Variants in UCK2 observed in about 807,000 individuals in gnomAD.
UCK2 encodes uridine-cytidine kinase 2.
In UCK2, 6 loss-of-function variants were observed where a neutral mutation model predicts 30.8. The ratio of observed to expected loss-of-function variants is 0.19; its 90% CI spans 0.11 to 0.38. UCK2 has a LOEUF of 0.38. Ranked by LOEUF, UCK2 falls within the 10% of genes least tolerant of loss-of-function variation. UCK2 has a pLI of 1.00. For missense variants in UCK2, 210 were observed against 339.8 expected (o/e 0.62, Z 3.00); for synonymous variants, 125 against 133.6 (o/e 0.94, Z 0.45).
At position 165,877,413 on chromosome 1, in the gene UCK2, T is replaced by G. The variant is rs1655366213; in HGVS notation, c.100-12791T>G. Among the ~76,000 whole-genome samples, 4 of 152,340 alleles carry G rather than the reference T, an allele frequency of 2.6e-5. No homozygotes were observed. In the South Asian group the frequency reaches 8.3e-4, roughly 32 times the overall value. On this transcript the variant is annotated intron_variant, in intron 1 of 6. Transcript: ENST00000367879. ...AACACTTCCATCGCTACTGCTGTTT[T>G]GCTGTTTATTACCTGCCCCGGATTT...
At chr1:165,842,221 T>A (rs1368753503) in intron 1 of UCK2, among the ~76,000 whole-genome samples, 3 of 152,204 alleles carry the variant, frequency 2.0e-5, no homozygotes, top group Non-Finnish European at 4.4e-5. Context: ...TATGGCTGTG[T>A]CATGCCTCAG....
At chr1:165,890,135 T>G in intron 1 of UCK2, 69 bp from the exon 2 acceptor site, 1 of 1,571,860 alleles carries the variant, frequency 6.4e-7, no homozygotes, top group South Asian at 1.1e-5. Context: ...GCTTGGTTAC[T>G]CTCGGGACTT....
At chr1:165,880,562 TGGGGGTGTGTG>T (rs1205703378) in intron 1 of UCK2, among the ~76,000 whole-genome samples, 1 of 115,812 alleles carries the variant, frequency 8.6e-6, no homozygotes, top group Non-Finnish European at 1.8e-5. Context: ...CAGTTTTTTT[TGGGGGTGTGTG>T]TGTGTGTGTG....
chr1:165,896,199 G>A lies in UCK2; in HGVS notation c.366G>A (p.Glu122=), dbSNP rs148472193. Residue 122 remains glutamate, a synonymous_variant, in exon 4 of 7, where the codon GAG becomes GAA. Coordinates refer to ENST00000367879, the MANE Select transcript of UCK2 (RefSeq NM_012474.5). ...YDFVSHSRKE[E]TVTVYPADVV... ...GCTCTGTGCTTTGCAGGAAGGAGGA[G>A]ACAGTTACTGTCTATCCCGCAGACG... 1.1e-5 allele frequency: 17 copies of A among 1,614,026 alleles called. No individual in the cohort carries two copies. The African/African-American group carries it at 2.3e-4, about 22-fold the overall frequency.
chr1:165,879,571 T>TATTATTATTATTATTA (rs1553199402), intron 1 of UCK2, among the ~76,000 whole-genome samples: 3 of 150,864 alleles, frequency 2.0e-5, no homozygotes, highest in Non-Finnish European at 3.0e-5. Flanking sequence ...TTATTATTAT[T>TATTATTATTATTATTA]TTGTCAGTAG....
Position 165,900,375 on chromosome 1 carries a change from A to C in UCK2, c.500-2807A>C, listed in dbSNP as rs563278808. ...GTAACTGTATGAGGAAGGTACCATTATTGTCCCTGTTTTATAGTTAAGGAA... is the reference window on the plus strand; with the variant it reads ...GTAACTGTATGAGGAAGGTACCATTCTTGTCCCTGTTTTATAGTTAAGGAA... On this transcript the variant is annotated intron_variant, in intron 4 of 6. Coordinates refer to ENST00000367879, the MANE Select transcript of UCK2 (RefSeq NM_012474.5). 6 of 152,340 alleles carry C rather than the reference A, an allele frequency of 3.9e-5. No homozygotes were observed. The East Asian group carries it at 1.2e-3, about 29-fold the overall frequency. 9.4% of individuals were successfully genotyped at this position (152,340 alleles called of 1,614,324 possible).
At position 165,908,069 on chromosome 1, in the gene UCK2, A is replaced by G; in HGVS notation, c.*246A>G. 4.5e-6 allele frequency: 2 copies of G among 439,822 alleles called. No individual in the cohort carries two copies. The highest frequency in any genetic ancestry group is 8.0e-6 in the Non-Finnish European group (2 of 249,302). The allele number at this position is 439,822 out of a possible 1,614,324, so 27.2% of individuals were successfully genotyped here. ...CTGGTGATGCCTAATTATGAATCCAACGTGTAACCAGTTATAAATACATAT... is the reference window on the plus strand; with the variant it reads ...CTGGTGATGCCTAATTATGAATCCAGCGTGTAACCAGTTATAAATACATAT... On this transcript the variant is annotated 3_prime_UTR_variant, in exon 7 of 7. Transcript: ENST00000367879.
intron 1 of UCK2, among the ~76,000 whole-genome samples, chr1:165,829,485 C>A (rs1346911909): frequency 6.6e-6 from 1 of 152,106 alleles, no homozygotes; most frequent in Non-Finnish European, 1.5e-5. Context: ...GTAGTGGGGT[C>A]CAAATTTTAA....
At chr1:165,873,184 A>C (rs1229004624) in intron 1 of UCK2, among the ~76,000 whole-genome samples, 2 of 152,246 alleles carry the variant, frequency 1.3e-5, no homozygotes, top group Non-Finnish European at 2.9e-5. Flanking sequence ...TTAATAATGA[A>C]GAAGGGACAG....
intron 1 of UCK2, among the ~76,000 whole-genome samples, chr1:165,876,223 A>G (rs1655330975): frequency 6.6e-6 from 1 of 152,230 alleles, no homozygotes; most frequent in African/African-American, 2.4e-5. Flanking sequence ...CCTCTCTTAA[A>G]TGGCAGTTTC....
In UCK2 at chr1:165,841,117, A is replaced by G. The variant is rs867115377; in HGVS notation, c.99+13185A>G. On this transcript the variant is annotated intron_variant, in intron 1 of 6. Coordinates refer to ENST00000367879, the MANE Select transcript of UCK2 (RefSeq NM_012474.5). ...CACGTATGTGTGTGTGTGTGTATAT[A>G]TATATATATATATATAAAATGAATA... 2.6e-3 allele frequency among the ~76,000 whole-genome samples: 380 copies of G among 148,406 alleles called. 2 individuals are homozygous for G. The Middle Eastern group carries it at 0.035, about 14-fold the overall frequency.
At position 165,836,688 on chromosome 1, in the gene UCK2, G is replaced by A. The variant is rs142023290; in HGVS notation, c.99+8756G>A. Among the ~76,000 whole-genome samples the A allele has an allele frequency of 5.4e-3, 816 of 152,278 alleles. 4 individuals carry two copies. The highest frequency in any genetic ancestry group is 0.034 in the Middle Eastern group (10 of 294). On this transcript the variant is annotated intron_variant, in intron 1 of 6. Transcript: ENST00000367879. Reference sequence around the variant, plus strand: ...TGGATTCAGAGTGGAGGGGTGATGGGCCTTTATTTTGTAAAGTGGGAGAAG... The same window carrying A: ...TGGATTCAGAGTGGAGGGGTGATGGACCTTTATTTTGTAAAGTGGGAGAAG...
At chr1:165,870,932 C>G (rs1655181638) in intron 1 of UCK2, among the ~76,000 whole-genome samples, 1 of 152,232 alleles carries the variant, frequency 6.6e-6, no homozygotes, top group Non-Finnish European at 1.5e-5. Flanking sequence ...ATTCTCCTGC[C>G]TCAGCCTCCC....
intron 1 of UCK2, among the ~76,000 whole-genome samples, chr1:165,850,616 AT>A (rs3077616): frequency 0.51 from 59,763 of 116,382 alleles, 15,430 homozygotes; most frequent in African/African-American, 0.65. Flanking sequence ...TAATTTTTAA[AT>A]TTTTTTTTTT....
At chr1:165,879,978 T>A (rs1262084284) in intron 1 of UCK2, among the ~76,000 whole-genome samples, 2 of 152,206 alleles carry the variant, frequency 1.3e-5, no homozygotes, top group African/African-American at 2.4e-5. Context: ...AAGAAAATGT[T>A]AAAAATCTTG....
At chr1:165,893,229 C>G (rs1429468060) in intron 3 of UCK2, among the ~76,000 whole-genome samples, 1 of 152,116 alleles carries the variant, frequency 6.6e-6, no homozygotes, top group East Asian at 1.9e-4. Context: ...TTGAAGACCT[C>G]GTGCATCATG....
chr1:165,899,345 G>C (rs990660137), intron 4 of UCK2, among the ~76,000 whole-genome samples: 26 of 152,196 alleles, frequency 1.7e-4, no homozygotes, highest in Admixed American at 1.6e-3. Context: ...GGGGCAGGGA[G>C]ATTCAGGATG....
chr1:165,878,159 C>G (rs1655387108), intron 1 of UCK2, among the ~76,000 whole-genome samples: 2 of 152,144 alleles, frequency 1.3e-5, no homozygotes, highest in South Asian at 4.1e-4. Flanking sequence ...TCCCCTAACC[C>G]CTGGCAACCA....
At chr1:165,895,330 C>T (rs1217447180) in intron 3 of UCK2, among the ~76,000 whole-genome samples, 1 of 152,124 alleles carries the variant, frequency 6.6e-6, no homozygotes. Context: ...GGGAGGATCG[C>T]CTGAGCCTGG....
Sources: gnomAD v4.1 joint callset for allele counts (sites outside exome capture counted in the v4.1 genomes callset) on GRCh38, gnomAD v4.1.1 for gene constraint, MANE v1.5 for transcripts, NCBI Gene and HGNC (gene_info 2026-07-23, HGNC 2026-07-21) for gene names.